The following PRUNE2 variants were observed in gnomAD, a reference collection of about 807,000 sequenced individuals.
The protein encoded by PRUNE2 is protein prune homolog 2.
A neutral mutation model predicts 252.0 loss-of-function variants in PRUNE2; 164 were observed. The observed-to-expected ratio is 0.65, with a 90% CI of 0.57 to 0.74. PRUNE2 has a LOEUF of 0.74. Among genes scored for constraint, PRUNE2 ranks in the 30% least tolerant of loss-of-function variants. PRUNE2 has a pLI of 0.00. For missense variants in PRUNE2, 3,495 were observed against 3,711.0 expected (o/e 0.94, Z 1.51); for synonymous variants, 1,292 against 1,350.2 (o/e 0.96, Z 0.94).
At chr9:76,678,084 G>A (rs563282708) in intron 9 of PRUNE2, among the ~76,000 whole-genome samples, 64 of 152,210 alleles carry the variant, frequency 4.2e-4, no homozygotes, top group Admixed American at 7.9e-4. Context: ...ATTCTCTGGG[G>A]ATTGGCCGGG....
At chr9:76,695,733 T>C (rs187115388) in intron 9 of PRUNE2, among the ~76,000 whole-genome samples, 1 of 152,290 alleles carries the variant, frequency 6.6e-6, no homozygotes, top group Admixed American at 6.5e-5. Flanking sequence ...ATTCATTCAA[T>C]CAGGCCTATT....
At position 76,867,188 on chromosome 9, in the gene PRUNE2, C is replaced by T. The variant is rs561706763; in HGVS notation, c.37-12980G>A. 7.9e-5 allele frequency among the ~76,000 whole-genome samples: 12 copies of T among 151,932 alleles called. 1 individual carries two copies. The highest frequency in any genetic ancestry group is 1.2e-4 in the Non-Finnish European group (8 of 67,982). On this transcript the variant is annotated intron_variant, in intron 1 of 18. Coordinates refer to ENST00000376718, the MANE Select transcript of PRUNE2 (RefSeq NM_015225.3). Reference sequence around the variant, plus strand: ...CCACCAACTGCTCTGTCCTCTCCCACAACACCATCAACCCCCCGCCCCCGC... The same window carrying T: ...CCACCAACTGCTCTGTCCTCTCCCATAACACCATCAACCCCCCGCCCCCGC...
intron 3 of PRUNE2, among the ~76,000 whole-genome samples, chr9:76,847,784 A>G (rs2059749348): frequency 6.6e-6 from 1 of 152,272 alleles, no homozygotes; most frequent in Admixed American, 6.5e-5. Flanking sequence ...ATTTTTGAAA[A>G]GCATTCTATT....
In PRUNE2 at chr9:76,850,641, A is replaced by G. The variant is rs749097491; in HGVS notation, c.166T>C (p.Leu56=). 1.8e-5 allele frequency: 29 copies of G among 1,613,896 alleles called. No individual in the cohort carries two copies. The highest frequency in any genetic ancestry group is 2.4e-5 in the Non-Finnish European group (28 of 1,179,878). ...DKVSPPGVLC[L]PVLNIPRTEF... is the part of the protein sequence containing the mutation. ...GTTCTTGGTATGTTCAGCACTGGTA[A>G]ACACAGAACCCCTGGTGGACTGACC... Residue 56 remains leucine (L), a synonymous_variant, in exon 3 of 19, where the codon TTA becomes CTA. Transcript: ENST00000376718.
chr9:76,710,536 T>C lies in PRUNE2; in HGVS notation c.1738A>G (p.Asn580Asp). 2 of 1,614,000 alleles carry C rather than the reference T, an allele frequency of 1.2e-6. No homozygotes were observed. Among genetic ancestry groups the C allele is most frequent in the Non-Finnish European group, 1.7e-6 (2 of 1,179,898 alleles). ...FVQRQDSPRD[N>D]SERNLSLTDF... Reference sequence around the variant, plus strand: ...GTCAGGCTCAAATTTCTTTCAGAGTTATCTCTGGGACTGTCTTGTCTCTGG... The same window carrying C: ...GTCAGGCTCAAATTTCTTTCAGAGTCATCTCTGGGACTGTCTTGTCTCTGG... The change falls in exon 8 of 19, where the codon AAC becomes GAC. Residue 580 changes from asparagine to aspartate, a missense_variant. Asn to Asp is a conservative substitution (Grantham distance 23). Coordinates refer to ENST00000376718, the MANE Select transcript of PRUNE2 (RefSeq NM_015225.3).
At chr9:76,615,740 ATTTT>A (rs926700699) in intron 18 of PRUNE2, among the ~76,000 whole-genome samples, 69 of 102,748 alleles carry the variant, frequency 6.7e-4, no homozygotes, top group African/African-American at 2.4e-3. Context: ...ACCTCGGTGG[ATTTT>A]TTTTGTTGTT....
chr9:76,850,715 A>C (rs1185452421), intron 2 of PRUNE2, 50 bp from the exon 3 acceptor site: 2 of 1,341,686 alleles, frequency 1.5e-6, no homozygotes, highest in Non-Finnish European at 2.1e-6. Context: ...GGAGGAAAGA[A>C]TACAATTACA....
At position 76,832,581 on chromosome 9, in the gene PRUNE2, T is replaced by C. The variant is rs530242176; in HGVS notation, c.509-5849A>G. Among the ~76,000 whole-genome samples, 7 of 152,182 alleles carry C rather than the reference T, an allele frequency of 4.6e-5. No individual in the cohort carries two copies. In the South Asian group the frequency reaches 1.5e-3, roughly 32 times the overall value. ...TTTAAATTGTGAGATTCAACTCAAG[T>C]TGTGCTCTAAGGAAATTTTATACCC... On this transcript the variant is annotated intron_variant, in intron 4 of 18. Transcript: ENST00000376718.
chr9:76,638,260 G>T lies in PRUNE2; in HGVS notation c.8757C>A (p.Ile2919=). 6.2e-7 allele frequency: 1 copy of T among 1,613,736 alleles called. No homozygotes were observed. Among genetic ancestry groups the T allele is most frequent in the South Asian group, 1.1e-5 (1 of 91,086 alleles). Residue 2919 remains isoleucine (I), a synonymous_variant, in exon 13 of 19, where the codon ATC becomes ATA. Coordinates refer to ENST00000376718, the MANE Select transcript of PRUNE2 (RefSeq NM_015225.3). ...GCAGAAAACAGGCGGCAAACACAAT[G>T]ATGGCATTTAGACCGTCCCCATAGT... The part of the protein sequence containing the change: ...GGYYGDGLNA[I]IVFAACFLPD...
chr9:76,692,447 T>C (rs2044870059), intron 9 of PRUNE2: 4 of 342,726 alleles, frequency 1.2e-5, no homozygotes, highest in Non-Finnish European at 2.1e-5. Flanking sequence ...AGGAATTTAG[T>C]TCTCTTGAAA....
rs769204874 is a variant in PRUNE2 at position 76,655,456 on chromosome 9, C to A, written c.8323G>T (p.Val2775Leu). The A allele has an allele frequency of 6.2e-7, 1 of 1,612,822 alleles. No individual in the cohort carries two copies. The highest frequency in any genetic ancestry group is 8.5e-7 in the Non-Finnish European group (1 of 1,179,470). The change falls in exon 10 of 19, where the codon GTG (valine) becomes TTG (leucine). Residue 2775 changes from valine (V) to leucine (L), a missense_variant. Transcript: ENST00000376718. The stretch of plus-strand genomic sequence containing the variant: ...ATGTCTGCAGCACTGGGACTCAGCA[C>A]GCCCTCTTCAAAGGGGATGTCCATT... ...VGMDIPFEEG[V>L]LSPSAADMRP...
At chr9:76,715,146 C>A (rs1032391154) in intron 6 of PRUNE2, among the ~76,000 whole-genome samples, 1 of 152,228 alleles carries the variant, frequency 6.6e-6, no homozygotes, top group African/African-American at 2.4e-5. Context: ...AGGACAGCCA[C>A]TGTGAAGATG....
intron 1 of PRUNE2, among the ~76,000 whole-genome samples, chr9:76,878,137 G>C (rs1334063929): frequency 6.6e-6 from 1 of 152,196 alleles, no homozygotes; most frequent in African/African-American, 2.4e-5. Context: ...GGCCACTGCA[G>C]AGTCAAGGTA....
At chr9:76,763,913 C>T (rs950729611) in intron 6 of PRUNE2, among the ~76,000 whole-genome samples, 6 of 152,102 alleles carry the variant, frequency 3.9e-5, no homozygotes, top group African/African-American at 9.7e-5. Flanking sequence ...CTAAGCACTT[C>T]GATTGAGTTA....
At chr9:76,852,606 T>G (rs1308366417) in intron 2 of PRUNE2, among the ~76,000 whole-genome samples, 1 of 152,184 alleles carries the variant, frequency 6.6e-6, no homozygotes, top group Non-Finnish European at 1.5e-5. Flanking sequence ...AGGGAGTAGT[T>G]GGGTTTTGAA....
In PRUNE2 at chr9:76,787,462, G is replaced by A. The variant is rs186615971; in HGVS notation, c.756+36170C>T. ...ATGTGGGACTTAAAACCTAGATGAT[G>A]GGTTGATAGGTGCAGCAAACCACTA... On this transcript the variant is annotated intron_variant, in intron 6 of 18. Transcript: ENST00000376718. The A allele has an allele frequency of 5.0e-3, 757 of 152,068 alleles. 4 individuals are homozygous for A. The highest frequency in any genetic ancestry group is 0.017 in the African/African-American group (719 of 41,468). The allele number at this position is 152,068 out of a possible 1,614,324, so 9.4% of individuals were successfully genotyped here.
At chr9:76,790,417 A>G (rs770949830) in intron 6 of PRUNE2, among the ~76,000 whole-genome samples, 12 of 152,210 alleles carry the variant, frequency 7.9e-5, no homozygotes, top group Admixed American at 1.3e-4. Context: ...GTAAAACATA[A>G]GAACATATAA....
At chr9:76,685,592 A>G (rs2043994421) in intron 9 of PRUNE2, among the ~76,000 whole-genome samples, 1 of 152,212 alleles carries the variant, frequency 6.6e-6, no homozygotes, top group African/African-American at 2.4e-5. Context: ...AAATTTGGAC[A>G]CAAACACACA....
intron 1 of PRUNE2, among the ~76,000 whole-genome samples, chr9:76,890,022 C>T (rs1422806709): frequency 6.6e-6 from 1 of 152,250 alleles, no homozygotes; most frequent in Non-Finnish European, 1.5e-5. Flanking sequence ...GGAATGACCA[C>T]TCTTCCTGAA....
Sources: allele counts gnomAD v4.1 joint callset (sites outside exome capture counted in the v4.1 genomes callset), GRCh38; gene constraint gnomAD v4.1.1; transcripts MANE v1.5; gene names NCBI Gene and HGNC (gene_info 2026-07-23, HGNC 2026-07-21).